IRX4: variants seen among roughly 807,000 people sequenced by gnomAD.
IRX4 encodes iroquois homeobox 4, also known as iroquois-class homeodomain protein IRX-4.
A neutral mutation model predicts 32.0 loss-of-function variants in IRX4; 22 were observed. The ratio of observed to expected loss-of-function variants is 0.69; its 90% CI spans 0.49 to 0.98. The LOEUF (loss-of-function observed/expected upper bound fraction) is 0.98. IRX4 is among the 50% of genes least tolerant of loss of function. IRX4 has a pLI of 0.00. For missense variants in IRX4, 840 were observed against 744.2 expected, an observed-to-expected ratio of 1.13 and a Z score of -1.50; for synonymous variants, 379 against 351.7, an observed-to-expected ratio of 1.08 and a Z score of -0.87.
upstream of IRX4, among the ~76,000 whole-genome samples, chr5:1,883,552 T>TG (rs1735529441): frequency 6.6e-6 from 1 of 152,204 alleles, no homozygotes; most frequent in Non-Finnish European, 1.5e-5. Flanking sequence ...CTCAGGTGCG[T>TG]GGGGGCTTCG....
chr5:1,879,136 C>A (rs191500969), intron 4 of IRX4, among the ~76,000 whole-genome samples: 1 of 152,026 alleles, frequency 6.6e-6, no homozygotes, highest in Non-Finnish European at 1.5e-5. Context: ...GGACTACAGG[C>A]GCCCGCCACC....
chr5:1,879,982 A>AC, intron 3 of IRX4, 150 bp from the exon 4 acceptor site: 1 of 1,496,838 alleles, frequency 6.7e-7, no homozygotes, highest in Non-Finnish European at 8.9e-7. Flanking sequence ...CCCAGGTAGG[A>AC]CCCGAGCCCC....
intron 2 of IRX4, 114 bp downstream of exon 2, chr5:1,881,694 C>G (rs967965811): frequency 1.5e-6 from 2 of 1,307,158 alleles, no homozygotes; most frequent in Non-Finnish European, 2.1e-6. Flanking sequence ...CCAAGGTGAG[C>G]GCCTCCCCTC....
At position 1,878,461 on chromosome 5, in the gene IRX4, C is replaced by G; in HGVS notation, c.1068G>C (p.Ala356=). ...TAGCCTCCAGGCCTGCCGACGCCCC[C>G]GCCGGCACAAACCCCAGCTTGGCCT... ...VCEAKLGFVP[A]GASAGLEAKP... is the part of the protein sequence containing the mutation. Residue 356 remains alanine, a synonymous_variant, in exon 5 of 5, where the codon GCG becomes GCC. Transcript: ENST00000231357. 1 of 1,454,610 alleles carries G rather than the reference C, an allele frequency of 6.9e-7. No individual in the cohort carries two copies. Among genetic ancestry groups the G allele is most frequent in the East Asian group, 2.6e-5 (1 of 38,396 alleles). 90.1% of individuals were successfully genotyped at this position (1,454,610 alleles called of 1,614,324 possible). A position where few individuals can be genotyped will look rare whatever the true frequency, so the allele number is the denominator to read the frequency against.
upstream of IRX4, among the ~76,000 whole-genome samples, chr5:1,883,572 T>C (rs1024138449): frequency 1.3e-5 from 2 of 152,224 alleles, no homozygotes; most frequent in African/African-American, 4.8e-5. Flanking sequence ...GGGGCCTTAG[T>C]TGGAGCCCGA....
chr5:1,881,932 G>T lies in IRX4; in HGVS notation c.173C>A (p.Ala58Asp). 1 of 1,576,060 alleles carries T rather than the reference G, an allele frequency of 6.3e-7. No homozygotes were observed. The highest frequency in any genetic ancestry group is 8.6e-7 in the Non-Finnish European group (1 of 1,161,828). Residue 58 changes from alanine (A) to aspartate (D), a missense_variant, in exon 2 of 5, where the codon GCC becomes GAC. By Grantham distance (126) the Ala-to-Asp change is moderately radical. Transcript: ENST00000231357. ...CGAGTTGAGCTCGTGGCGCGCGGTG[G>T]CCAGCAGCCGGCTCTCGTAGACCGG... ...YCPVYESRLL[A>D]TARHELNSAA...
chr5:1,880,914 C>A, intron 2 of IRX4, 80 bp from the exon 3 acceptor site: 1 of 1,081,404 alleles, frequency 9.2e-7, no homozygotes, highest in Non-Finnish European at 1.4e-6. Context: ...GCCCCCCACT[C>A]CCAAAGGCTT....
Position 1,881,962 on chromosome 5 carries a change from T to C in IRX4, c.143A>G (p.Tyr48Cys), listed in dbSNP as rs1262450786. The C allele has an allele frequency of 2.6e-6, 4 of 1,559,722 alleles. No homozygotes were observed. The South Asian group carries it at 3.5e-5, about 14-fold the overall frequency. The change falls in exon 2 of 5, where the codon TAC becomes TGC. Residue 48 changes from tyrosine (Y) to cysteine (C), a missense_variant. Tyr to Cys is a radical substitution (Grantham distance 194, BLOSUM62 -2). Transcript: ENST00000231357. ...GPAASAQAPVYCPVYESRLLA... is the reference protein window; with the variant it reads ...GPAASAQAPVCCPVYESRLLA... ...CAGCCGGCTCTCGTAGACCGGGCAGTAGACCGGCGCCTGGGCCGAGGCGGC... is the reference window on the plus strand; with the variant it reads ...CAGCCGGCTCTCGTAGACCGGGCAGCAGACCGGCGCCTGGGCCGAGGCGGC...
chr5:1,885,308 A>G (rs555391191), upstream of IRX4, among the ~76,000 whole-genome samples: 3 of 152,304 alleles, frequency 2.0e-5, no homozygotes, highest in East Asian at 5.8e-4. Flanking sequence ...TTCCCAGGGC[A>G]GCCAGTACGT....
At chr5:1,879,355 T>G in intron 4 of IRX4, 149 bp downstream of exon 4, 6 of 1,264,822 alleles carry the variant, frequency 4.7e-6, no homozygotes, top group African/African-American at 1.5e-5. Flanking sequence ...AGTCCCCACA[T>G]TGGTAGCCTG....
chr5:1,882,478 G>A (rs1735486062), intron 1 of IRX4, 125 bp downstream of exon 1: 1 of 839,742 alleles, frequency 1.2e-6, no homozygotes, highest in Non-Finnish European at 1.9e-6. Context: ...AGGGGCGCGC[G>A]ACCCAGGCCT....
At position 1,878,121 on chromosome 5, in the gene IRX4, G is replaced by C. The variant is rs746705712; in HGVS notation, c.1408C>G (p.Leu470Val). The change falls in exon 5 of 5, where the codon CTG becomes GTG. Residue 470 changes from leucine to valine, a missense_variant. Leu to Val is a conservative substitution (Grantham distance 32). Around this residue, in one of 3 missense-constraint regions of IRX4, gnomAD observed 585 missense variants for 488.0 expected, o/e 1.20. Transcript: ENST00000231357. The part of the protein sequence containing the change: ...AKGALLDPGP[L>V]GRSLGAGANV... ...GCGCCCGCCCCCAGCGAGCGTCCCA[G>C]AGGCCCGGGGTCCAGGAGGGCGCCC... 2.6e-5 allele frequency: 40 copies of C among 1,545,226 alleles called. No individual in the cohort carries two copies. The highest frequency in any genetic ancestry group is 3.4e-5 in the Non-Finnish European group (39 of 1,151,124).
At position 1,878,048 on chromosome 5, in the gene IRX4, G is replaced by A. The variant is rs1416373071; in HGVS notation, c.1481C>T (p.Pro494Leu). 5 of 1,512,184 alleles carry A rather than the reference G, an allele frequency of 3.3e-6. No homozygotes were observed. Among genetic ancestry groups the A allele is most frequent in the African/African-American group, 2.8e-5 (2 of 70,500 alleles). 93.7% of individuals were successfully genotyped at this position (1,512,184 alleles called of 1,614,324 possible). A position where few individuals can be genotyped will look rare whatever the true frequency, so the allele number is the denominator to read the frequency against. ...GGCGCCTGCAGCTGGGGCGTCCTGG[G>A]GCACGGCAGGCGGAAAGGCGCGGGC... is the stretch of plus-strand genomic sequence containing the variant. ...PLARAFPPAV[P>L]QDAPAAGAAR... Residue 494 changes from proline (P) to leucine (L), a missense_variant, in exon 5 of 5, where the codon CCC becomes CTC. Coordinates refer to ENST00000231357, the MANE Select transcript of IRX4 (RefSeq NM_016358.3).
rs1225733308 is a variant in IRX4, at chr5:1,878,676, C to T, written c.853G>A (p.Gly285Ser). The T allele has an allele frequency of 1.9e-6, 3 of 1,594,744 alleles. No individual in the cohort carries two copies. The highest frequency in any genetic ancestry group is 2.3e-5 in the East Asian group (1 of 43,044). The change falls in exon 5 of 5, where the codon GGT becomes AGT. Residue 285 changes from glycine to serine, a missense_variant. Around this residue, in one of 3 missense-constraint regions of IRX4, gnomAD observed 585 missense variants for 488.0 expected, o/e 1.20. Transcript: ENST00000231357. ...GGCGCGGCGGGGACGCGCTCCAGAC[C>T]GCCGTCCAGGGAGTGGAAGGGCGGC... ...LKPPFHSLDG[G>S]LERVPAAPDG...
upstream of IRX4, among the ~76,000 whole-genome samples, chr5:1,882,945 A>AC (rs1031712382): frequency 2.6e-5 from 4 of 151,162 alleles, no homozygotes; most frequent in African/African-American, 9.7e-5. Context: ...AAAAAAAAAA[A>AC]CGAGTCGCGC....
In IRX4 at chr5:1,878,599, C is replaced by G. The variant is rs763649236; in HGVS notation, c.930G>C (p.Ala310=). 6.4e-7 allele frequency: 1 copy of G among 1,557,178 alleles called. No individual in the cohort carries two copies. Among genetic ancestry groups the G allele is most frequent in the Non-Finnish European group, 8.7e-7 (1 of 1,151,666 alleles). ...CCTCGTCCAGAGCAGCTCCGCCACC[C>G]GCGGCCAGAGACATCCGGAGCGCGC... ...ASGALRMSLA[A]GGGAALDEDL... is the part of the protein sequence containing the mutation. The change falls in exon 5 of 5, where the codon GCG becomes GCC. Residue 310 remains alanine, a synonymous_variant. Coordinates refer to ENST00000231357, the MANE Select transcript of IRX4 (RefSeq NM_016358.3).
In IRX4 at chr5:1,882,611, C is replaced by G; in HGVS notation, c.37G>C (p.Ala13Pro). Residue 13 changes from alanine (A) to proline (P), a missense_variant, in exon 1 of 5, where the codon GCT becomes CCT. This residue lies in a region of IRX4 where 241 missense variants were observed against 220.8 expected (regional missense o/e 1.09). Coordinates refer to ENST00000231357, the MANE Select transcript of IRX4 (RefSeq NM_016358.3). ...GGCGGGGCTCCGCTTACCTGGGGAG[C>G]CGAGGAGTAGGGGTATCCAAACTGC... ...YPQFGYPYSS[A>P]PQFLMATNSL... The G allele has an allele frequency of 6.8e-7, 1 of 1,467,420 alleles. No individual in the cohort carries two copies. The allele number at this position is 1,467,420 out of a possible 1,614,324, so 90.9% of individuals were successfully genotyped here. A position where few individuals can be genotyped will look rare whatever the true frequency, so the allele number is the denominator to read the frequency against.
rs1316442266 is a variant in IRX4 at position 1,878,485 on chromosome 5, C to T, written c.1044G>A (p.Glu348=). The T allele has an allele frequency of 6.9e-7, 1 of 1,442,422 alleles. No homozygotes were observed. The highest frequency in any genetic ancestry group is 2.6e-5 in the East Asian group (1 of 38,204). The allele number at this position is 1,442,422 out of a possible 1,614,324, so 89.4% of individuals were successfully genotyped here. A position where few individuals can be genotyped will look rare whatever the true frequency, so the allele number is the denominator to read the frequency against. Residue 348 remains glutamate, a synonymous_variant, in exon 5 of 5, where the codon GAG becomes GAA. Coordinates refer to ENST00000231357, the MANE Select transcript of IRX4 (RefSeq NM_016358.3). ...CCGCCGGCACAAACCCCAGCTTGGC[C>T]TCGCAGACCTGAGGGCCGCCCTCTG... is the stretch of plus-strand genomic sequence containing the variant. ...PGAEGGPQVC[E]AKLGFVPAGA...
Position 1,877,730 on chromosome 5 carries a change from T to C in IRX4, c.*239A>G. The C allele has an allele frequency of 1.9e-6, 1 of 525,266 alleles. No individual in the cohort carries two copies. Among genetic ancestry groups the C allele is most frequent in the South Asian group, 2.7e-5 (1 of 37,398 alleles). 32.5% of individuals were successfully genotyped at this position (525,266 alleles called of 1,614,324 possible). On this transcript the variant is annotated 3_prime_UTR_variant, in exon 5 of 5. Coordinates refer to ENST00000231357, the MANE Select transcript of IRX4 (RefSeq NM_016358.3). ...TGGCCTCTTCTGCTCCGAGAGCCTCTCCTTCCGCGTCCCAAATTTGGGAAT... is the reference window on the plus strand; with the variant it reads ...TGGCCTCTTCTGCTCCGAGAGCCTCCCCTTCCGCGTCCCAAATTTGGGAAT...
Sources: allele counts gnomAD v4.1 joint callset (sites outside exome capture counted in the v4.1 genomes callset), GRCh38; gene constraint gnomAD v4.1.1; regional missense constraint gnomAD v4.1.1; transcripts MANE v1.5; gene names NCBI Gene and HGNC (gene_info 2026-07-23, HGNC 2026-07-21).